Variants in FRMPD4 observed in about 807,000 individuals in gnomAD.
The protein encoded by FRMPD4 is FERM and PDZ domain-containing protein 4.
In FRMPD4, 22 loss-of-function variants were observed where a neutral mutation model predicts 94.1. That is an observed-to-expected ratio of 0.23 (90% CI 0.17 to 0.33). FRMPD4 has a LOEUF of 0.33. Ranked by LOEUF, FRMPD4 falls within the 10% of genes least tolerant of loss-of-function variation. FRMPD4 has a pLI of 1.00. For synonymous variants in FRMPD4, 631 were observed against 548.6 expected, an observed-to-expected ratio of 1.15 and a Z score of -2.10; for missense variants, 1,111 against 1,339.9, an observed-to-expected ratio of 0.83 and a Z score of 2.67.
chrX:12,414,912 C>G (rs1325359965), intron 1 of FRMPD4, among the ~76,000 whole-genome samples: 2 of 112,065 alleles, frequency 1.8e-5, no homozygotes, highest in Non-Finnish European at 3.8e-5. Flanking sequence ...GATCACTACA[C>G]TGCATTGAAA....
intron 1 of FRMPD4, among the ~76,000 whole-genome samples, chrX:12,441,792 C>G (rs569324193): frequency 8.9e-6 from 1 of 112,112 alleles, no homozygotes; most frequent in Non-Finnish European, 1.9e-5. Context: ...AATGACATGC[C>G]TTTTAACTAT....
Position 12,433,187 on chromosome X carries a change from T to G in FRMPD4, c.42-65493T>G, listed in dbSNP as rs181153283. ...TTGGAGCCTGTTTTTGTAAACAAAG[T>G]CATGGGCAGACCAGAAAAGTGCAGA... On this transcript the variant is annotated intron_variant, in intron 1 of 16. Coordinates refer to ENST00000675598, the MANE Select transcript of FRMPD4 (RefSeq NM_001368397.1). Among the ~76,000 whole-genome samples the G allele has an allele frequency of 1.7e-3, 192 of 112,310 alleles. 1 individual carries two copies. The highest frequency in any genetic ancestry group is 3.1e-3 in the Non-Finnish European group (163 of 53,254).
intron 3 of FRMPD4, among the ~76,000 whole-genome samples, chrX:11,983,846 C>T (rs1601869671): frequency 8.9e-6 from 1 of 111,902 alleles, no homozygotes; most frequent in East Asian, 2.8e-4. Flanking sequence ...AAGACATGTG[C>T]TCACTTCAGC....
intron 4 of FRMPD4, among the ~76,000 whole-genome samples, chrX:12,658,667 C>T (rs1161813232): frequency 4.5e-5 from 5 of 111,173 alleles, no homozygotes; most frequent in African/African-American, 1.3e-4. Flanking sequence ...GAAAAACATC[C>T]ACCCCAACTT....
At chrX:12,307,239 G>A (rs929271664) in intron 1 of FRMPD4, among the ~76,000 whole-genome samples, 2 of 112,212 alleles carry the variant, frequency 1.8e-5, no homozygotes, top group African/African-American at 6.5e-5. Flanking sequence ...TAATAATCTG[G>A]TGGCTTGCAC....
intron 1 of FRMPD4, among the ~76,000 whole-genome samples, chrX:12,391,672 C>T (rs1489682854): frequency 9.0e-6 from 1 of 111,471 alleles, no homozygotes; most frequent in Non-Finnish European, 1.9e-5. Flanking sequence ...CGACTCTGTC[C>T]TCCCTGATGT....
At chrX:12,638,363 A>T (rs1048952742) in intron 4 of FRMPD4, among the ~76,000 whole-genome samples, 2 of 111,887 alleles carry the variant, frequency 1.8e-5, no homozygotes, top group Non-Finnish European at 3.8e-5. Flanking sequence ...CAGCCTCCTG[A>T]GTAGCTGGGA....
Position 11,999,783 on chromosome X carries a change from G to A in FRMPD4, c.95+121765G>A, listed in dbSNP as rs2054514659. On this transcript the variant is annotated intron_variant, in intron 3 of 18. Transcript: ENST00000640291. The stretch of plus-strand genomic sequence containing the variant: ...GATTACAGGGAAACAGGCAGAGGAA[G>A]CAATTAGCAAATAGAACACACCAGC... Among the ~76,000 whole-genome samples, 5 of 111,877 alleles carry A rather than the reference G, an allele frequency of 4.5e-5. No individual in the cohort carries two copies. The Admixed American group carries it at 4.7e-4, about 11-fold the overall frequency.
chrX:12,038,064 A>G, intron 3 of FRMPD4, among the ~76,000 whole-genome samples: 1 of 112,284 alleles, frequency 8.9e-6, no homozygotes, highest in Middle Eastern at 4.6e-3. Context: ...GTTTTTGACT[A>G]ATAGTGAATA....
At chrX:11,904,861 T>C (rs901369079) in intron 3 of FRMPD4, among the ~76,000 whole-genome samples, 1 of 112,596 alleles carries the variant, frequency 8.9e-6, no homozygotes, top group African/African-American at 3.2e-5. Flanking sequence ...GAATCTATTT[T>C]GGTGATAATA....
At chrX:11,883,884 C>T (rs777621331) in intron 3 of FRMPD4, among the ~76,000 whole-genome samples, 96 of 112,084 alleles carry the variant, frequency 8.6e-4, no homozygotes, top group Non-Finnish European at 1.5e-3. Context: ...ACAATTTTGA[C>T]CCAGCTGTGT....
At position 12,722,190 on chromosome X, in the gene FRMPD4, T is replaced by G. The variant is rs2042252523; in HGVS notation, c.*332T>G. ...AACAATGAATCCTATCCCCTTTCTTTCCAAGTAGCTACTTGGAAACCATAT... is the reference window on the plus strand; with the variant it reads ...AACAATGAATCCTATCCCCTTTCTTGCCAAGTAGCTACTTGGAAACCATAT... On this transcript the variant is annotated 3_prime_UTR_variant, in exon 17 of 17. Transcript: ENST00000675598. 9.0e-6 allele frequency: 1 copy of G among 111,046 alleles called. No homozygotes were observed. The highest frequency in any genetic ancestry group is 3.3e-5 in the African/African-American group (1 of 30,440). The allele number at this position is 111,046 out of a possible 1,213,427, so 9.2% of individuals were successfully genotyped here.
chrX:12,441,754 T>G (rs1480569899), intron 1 of FRMPD4, among the ~76,000 whole-genome samples: 3 of 112,272 alleles, frequency 2.7e-5, no homozygotes, highest in Non-Finnish European at 5.6e-5. Flanking sequence ...TTCTGTCAAC[T>G]TCCAGGTACT....
intron 2 of FRMPD4, among the ~76,000 whole-genome samples, chrX:12,524,097 G>A (rs1215802703): frequency 8.9e-6 from 1 of 112,203 alleles, no homozygotes; most frequent in East Asian, 2.8e-4. Flanking sequence ...GGAGGCTATA[G>A]TGAGCTATGA....
chrX:12,340,227 G>T (rs1569237930), intron 1 of FRMPD4, among the ~76,000 whole-genome samples: 1 of 112,474 alleles, frequency 8.9e-6, no homozygotes, highest in Non-Finnish European at 1.9e-5. Flanking sequence ...ATAAATGTCA[G>T]TTTTTCCAGT....
chrX:12,023,593 G>T (rs1477229230), intron 3 of FRMPD4, among the ~76,000 whole-genome samples: 1 of 111,605 alleles, frequency 9.0e-6, no homozygotes, highest in African/African-American at 3.3e-5. Context: ...ATTTACTGAT[G>T]GTGTCTTCAT....
chrX:12,106,479 C>T (rs766360887), intron 3 of FRMPD4, among the ~76,000 whole-genome samples: 67 of 110,822 alleles, frequency 6.0e-4, no homozygotes, highest in Non-Finnish European at 9.3e-4. Flanking sequence ...GCATGAGCAA[C>T]GCAGAAGACA....
At chrX:12,257,452 A>G (rs757472550) in intron 1 of FRMPD4, among the ~76,000 whole-genome samples, 1 of 111,730 alleles carries the variant, frequency 9.0e-6, no homozygotes, top group South Asian at 3.7e-4. Flanking sequence ...GGACAGTGTT[A>G]TTTGATTATC....
chrX:12,369,706 G>A (rs1232845359), intron 1 of FRMPD4, among the ~76,000 whole-genome samples: 1 of 111,716 alleles, frequency 9.0e-6, no homozygotes, highest in Non-Finnish European at 1.9e-5. Context: ...ATAGTCAGTG[G>A]AAACTGCTGT....
Sources: gnomAD v4.1 joint callset for allele counts (sites outside exome capture counted in the v4.1 genomes callset) on GRCh38, gnomAD v4.1.1 for gene constraint, MANE v1.5 for transcripts, NCBI Gene and HGNC (gene_info 2026-07-23, HGNC 2026-07-21) for gene names.